Variants in CSMD1 observed in about 807,000 individuals in gnomAD.
CSMD1 encodes CUB and Sushi multiple domains 1.
A neutral mutation model predicts 417.5 loss-of-function variants in CSMD1; 213 were observed. The observed-to-expected ratio is 0.51, with a 90% CI of 0.46 to 0.57. The LOEUF (loss-of-function observed/expected upper bound fraction) is 0.57, where lower values mean the gene tolerates loss of function less well. CSMD1 is among the 20% of genes least tolerant of loss of function. CSMD1 has a pLI of 0.00. For missense variants in CSMD1, 6,923 were observed against 4,529.7 expected (o/e 1.53, Z -15.17); for synonymous variants, 2,862 against 1,736.8 (o/e 1.65, Z -16.11).
intron 14 of CSMD1, 105 bp downstream of exon 14, chr8:3,407,794 T>C (rs1424746246): frequency 1.0e-6 from 1 of 956,516 alleles, no homozygotes; most frequent in Non-Finnish European, 1.5e-6. Flanking sequence ...TTATAAAACC[T>C]CTGAAGTATC....
chr8:4,222,107 A>AC (rs1393156008), intron 3 of CSMD1, among the ~76,000 whole-genome samples: 2 of 38,474 alleles, frequency 5.2e-5, no homozygotes, highest in East Asian at 6.6e-4. Flanking sequence ...CAAACCAACA[A>AC]AAAAAAAAAA....
chr8:4,448,355 A>C (rs1371878628), intron 2 of CSMD1, among the ~76,000 whole-genome samples: 3 of 152,162 alleles, frequency 2.0e-5, no homozygotes, highest in African/African-American at 7.2e-5. Context: ...GCACTAACTC[A>C]ATTAACAGGG....
chr8:3,602,067 T>C (rs76090328), intron 8 of CSMD1, among the ~76,000 whole-genome samples: 3,975 of 152,202 alleles, frequency 0.026, 76 homozygotes, highest in Middle Eastern at 0.078. Context: ...TGGAGATGGA[T>C]GGTGGTCATG....
intron 3 of CSMD1, among the ~76,000 whole-genome samples, chr8:4,045,984 T>C (rs929519684): frequency 6.6e-6 from 1 of 152,174 alleles, no homozygotes; most frequent in Non-Finnish European, 1.5e-5. Flanking sequence ...GTGAAGTGGA[T>C]ATAATTCAAA....
At chr8:3,302,005 C>G (rs963841404) in intron 25 of CSMD1, among the ~76,000 whole-genome samples, 1 of 151,988 alleles carries the variant, frequency 6.6e-6, no homozygotes, top group African/African-American at 2.4e-5. Context: ...ATGAGCTGTA[C>G]AGTCCTATTT....
At chr8:4,130,693 T>C (rs1273121417) in intron 3 of CSMD1, among the ~76,000 whole-genome samples, 1 of 151,050 alleles carries the variant, frequency 6.6e-6, no homozygotes, top group Non-Finnish European at 1.5e-5. Context: ...TAGTGGAATT[T>C]TGGAGGGGAG....
chr8:4,257,457 C>G (rs965262031), intron 3 of CSMD1, among the ~76,000 whole-genome samples: 6 of 151,996 alleles, frequency 3.9e-5, no homozygotes, highest in Admixed American at 1.3e-4. Context: ...GAATTCCTTC[C>G]TTAATAGTTT....
chr8:4,942,860 T>C (rs187484085), intron 1 of CSMD1, among the ~76,000 whole-genome samples: 5 of 152,232 alleles, frequency 3.3e-5, no homozygotes, highest in Non-Finnish European at 7.3e-5. Flanking sequence ...GACCTTTATT[T>C]GTATCCAAAA....
At chr8:4,260,744 T>A (rs999718428) in intron 3 of CSMD1, among the ~76,000 whole-genome samples, 4 of 152,198 alleles carry the variant, frequency 2.6e-5, no homozygotes, top group Non-Finnish European at 4.4e-5. Flanking sequence ...CATACTTGGT[T>A]TAAACAATTT....
chr8:4,510,178 C>T (rs546511797), intron 2 of CSMD1, among the ~76,000 whole-genome samples: 37 of 152,044 alleles, frequency 2.4e-4, no homozygotes, highest in Middle Eastern at 3.4e-3. Context: ...TGACTTTGCT[C>T]CTCATTCACC....
chr8:4,183,206 T>C (rs1330075853), intron 3 of CSMD1, among the ~76,000 whole-genome samples: 2 of 152,154 alleles, frequency 1.3e-5, no homozygotes, highest in African/African-American at 2.4e-5. Context: ...AAAATGGGTA[T>C]ACAGAGTTTG....
intron 18 of CSMD1, among the ~76,000 whole-genome samples, chr8:3,369,972 T>G (rs959717452): frequency 2.6e-5 from 4 of 152,164 alleles, no homozygotes; most frequent in African/African-American, 9.6e-5. Context: ...ATAGAAATTA[T>G]GATAAAATCC....
At chr8:3,208,783 C>G (rs968681739) in intron 30 of CSMD1, among the ~76,000 whole-genome samples, 1 of 152,088 alleles carries the variant, frequency 6.6e-6, no homozygotes, top group Admixed American at 6.5e-5. Context: ...AAATGAGAGA[C>G]TGGCCTAGTC....
At chr8:3,220,250 C>G (rs970007225) in intron 28 of CSMD1, among the ~76,000 whole-genome samples, 2 of 149,690 alleles carry the variant, frequency 1.3e-5, no homozygotes, top group Admixed American at 1.3e-4. Context: ...GTTTCACCAT[C>G]ACTGAATATC....
chr8:4,817,514 C>G (rs1799275312), intron 1 of CSMD1, among the ~76,000 whole-genome samples: 1 of 152,198 alleles, frequency 6.6e-6, no homozygotes, highest in Admixed American at 6.5e-5. Flanking sequence ...ATTCCAGCCA[C>G]AGGCAAAAGG....
intron 46 of CSMD1, among the ~76,000 whole-genome samples, chr8:3,099,177 T>C (rs1815556540): frequency 6.6e-6 from 1 of 152,078 alleles, no homozygotes; most frequent in Non-Finnish European, 1.5e-5. Flanking sequence ...CAGACCTTAC[T>C]ACAATAAGCA....
At chr8:3,390,453 C>T (rs749913025) in intron 17 of CSMD1, among the ~76,000 whole-genome samples, 32 of 149,898 alleles carry the variant, frequency 2.1e-4, no homozygotes, top group African/African-American at 7.1e-4. Context: ...TCTGTGGACA[C>T]AGGTAGCCAA....
At chr8:4,101,795 T>C (rs1801317597) in intron 3 of CSMD1, among the ~76,000 whole-genome samples, 2 of 151,380 alleles carry the variant, frequency 1.3e-5, no homozygotes, top group Non-Finnish European at 2.9e-5. Flanking sequence ...CAGAAGTCTG[T>C]GAGTTCAAAG....
intron 9 of CSMD1, among the ~76,000 whole-genome samples, chr8:3,579,627 G>T (rs971327655): frequency 6.6e-6 from 1 of 152,148 alleles, no homozygotes; most frequent in African/African-American, 2.4e-5. Flanking sequence ...CAGAGGCTAA[G>T]AACTTCCTTT....
Sources: gnomAD v4.1 joint callset for allele counts (sites outside exome capture counted in the v4.1 genomes callset) on GRCh38, gnomAD v4.1.1 for gene constraint, MANE v1.5 for transcripts, NCBI Gene and HGNC (gene_info 2026-07-23, HGNC 2026-07-21) for gene names.